Variants in KHDRBS3 observed in about 807,000 individuals in gnomAD.
The protein encoded by KHDRBS3 is KH domain-containing, RNA-binding, signal transduction-associated protein 3.
KHDRBS3 carries 23 observed loss-of-function variants against 45.6 expected under a neutral mutation model. The ratio of observed to expected loss-of-function variants is 0.50; its 90% CI spans 0.36 to 0.72. The LOEUF (loss-of-function observed/expected upper bound fraction) is 0.72, where lower values mean the gene tolerates loss of function less well. Ranked by LOEUF, KHDRBS3 falls within the 30% of genes least tolerant of loss-of-function variation. KHDRBS3 has a pLI of 0.00. For missense variants in KHDRBS3, 352 were observed against 424.8 expected (o/e 0.83, Z 1.51); for synonymous variants, 162 against 156.5 (o/e 1.04, Z -0.26).
chr8:135,457,997 G>A lies in KHDRBS3; in HGVS notation c.88+43G>A, dbSNP rs748112903. Reference sequence around the variant, plus strand: ...AACTGCCGGCCGGCGGCGGTTGGGGGCCGGGTGGAAACGCGGGGGCCCAGG... The same window carrying A: ...AACTGCCGGCCGGCGGCGGTTGGGGACCGGGTGGAAACGCGGGGGCCCAGG... On this transcript the variant is annotated intron_variant, in intron 1 of 8. Transcript: ENST00000355849. The surrounding 1 kb of genome is among the most constrained non-coding windows in gnomAD (Gnocchi z 4.4). 47 of 1,540,580 alleles carry A rather than the reference G, an allele frequency of 3.1e-5. No homozygotes were observed. The Middle Eastern group carries it at 9.4e-4, about 31-fold the overall frequency.
At chr8:135,629,905 A>G (rs943585521) in intron 7 of KHDRBS3, among the ~76,000 whole-genome samples, 3 of 152,216 alleles carry the variant, frequency 2.0e-5, no homozygotes, top group Non-Finnish European at 4.4e-5. Flanking sequence ...GACTCCACCC[A>G]TATAGTAACT....
intron 6 of KHDRBS3, among the ~76,000 whole-genome samples, chr8:135,585,038 A>C (rs1477145096): frequency 2.7e-5 from 4 of 149,922 alleles, no homozygotes; most frequent in Non-Finnish European, 5.9e-5. Context: ...CCTGGCCAAC[A>C]TGGTGAAACC....
intron 1 of KHDRBS3, among the ~76,000 whole-genome samples, chr8:135,506,592 C>CG (rs1430887625): frequency 2.6e-4 from 39 of 151,996 alleles, no homozygotes; most frequent in African/African-American, 9.4e-4. Context: ...TTAGTAGAGA[C>CG]GGGGTGTCAC....
chr8:135,470,270 A>C (rs1000269914), intron 1 of KHDRBS3, among the ~76,000 whole-genome samples: 2 of 152,034 alleles, frequency 1.3e-5, no homozygotes, highest in Non-Finnish European at 2.9e-5. Flanking sequence ...TGGGTCTTGA[A>C]GTGCCTTATA....
At position 135,527,862 on chromosome 8, in the gene KHDRBS3, A is replaced by G. The variant is rs995103473; in HGVS notation, c.207+6507A>G. 2.0e-5 allele frequency among the ~76,000 whole-genome samples: 3 copies of G among 152,330 alleles called. No homozygotes were observed. In the East Asian group the frequency reaches 5.8e-4, roughly 29 times the overall value. On this transcript the variant is annotated intron_variant, in intron 2 of 8. Coordinates refer to ENST00000355849, the MANE Select transcript of KHDRBS3 (RefSeq NM_006558.3). ...TAATAGCAGTTGTTTTCTGGAGTAT[A>G]GGTTTTCGTGATATTTTTCTACTTT...
At chr8:135,502,782 A>G (rs778749911) in intron 1 of KHDRBS3, among the ~76,000 whole-genome samples, 3 of 152,316 alleles carry the variant, frequency 2.0e-5, no homozygotes, top group Non-Finnish European at 4.4e-5. Flanking sequence ...ATTCTGTTCA[A>G]TGAAAGAATA....
chr8:135,621,716 A>G (rs2131090910), intron 7 of KHDRBS3, among the ~76,000 whole-genome samples: 1 of 152,218 alleles, frequency 6.6e-6, no homozygotes, highest in African/African-American at 2.4e-5. Context: ...AAAAAAAAAA[A>G]AACGTGCAGT....
At chr8:135,554,063 T>G (rs1826753149) in intron 4 of KHDRBS3, among the ~76,000 whole-genome samples, 1 of 152,156 alleles carries the variant, frequency 6.6e-6, no homozygotes, top group Non-Finnish European at 1.5e-5. Flanking sequence ...TTTTAAAAAA[T>G]TGTCTACAAT....
intron 5 of KHDRBS3, among the ~76,000 whole-genome samples, chr8:135,562,476 C>T (rs1396171711): frequency 6.6e-6 from 1 of 152,174 alleles, no homozygotes; most frequent in African/African-American, 2.4e-5. Context: ...GACAAAAACA[C>T]CTAAGGAGCT....
chr8:135,530,902 C>T (rs1307340045), intron 2 of KHDRBS3, among the ~76,000 whole-genome samples: 1 of 152,152 alleles, frequency 6.6e-6, no homozygotes, highest in Non-Finnish European at 1.5e-5. Context: ...AACACTATCA[C>T]CCCTTACCCT....
intron 7 of KHDRBS3, among the ~76,000 whole-genome samples, chr8:135,637,342 G>T (rs189803739): frequency 1.3e-5 from 2 of 152,014 alleles, no homozygotes; most frequent in African/African-American, 4.8e-5. Context: ...TGTAACAAAG[G>T]CTCCTTCTAA....
At chr8:135,599,190 G>A (rs1430357611) in intron 6 of KHDRBS3, among the ~76,000 whole-genome samples, 1 of 152,208 alleles carries the variant, frequency 6.6e-6, no homozygotes, top group East Asian at 1.9e-4. Flanking sequence ...CCTGTAGCCT[G>A]GCATCCGCCA....
intron 2 of KHDRBS3, among the ~76,000 whole-genome samples, chr8:135,526,475 G>A (rs541010826): frequency 9.2e-5 from 14 of 152,048 alleles, no homozygotes; most frequent in Non-Finnish European, 1.9e-4. Flanking sequence ...TTTCTGCTTA[G>A]CATAATGGAG....
At chr8:135,473,361 T>C (rs1822111537) in intron 1 of KHDRBS3, among the ~76,000 whole-genome samples, 2 of 152,220 alleles carry the variant, frequency 1.3e-5, no homozygotes, top group African/African-American at 4.8e-5. Flanking sequence ...CTGAAACTGC[T>C]GCTTTCGTTC....
chr8:135,579,112 T>A (rs558263878), intron 5 of KHDRBS3, among the ~76,000 whole-genome samples: 180 of 152,162 alleles, frequency 1.2e-3, no homozygotes, highest in Non-Finnish European at 2.1e-3. Flanking sequence ...TTGGGGATTT[T>A]TTTACATTGC....
intron 6 of KHDRBS3, among the ~76,000 whole-genome samples, chr8:135,589,625 T>C (rs1041403681): frequency 6.6e-6 from 1 of 152,224 alleles, no homozygotes; most frequent in South Asian, 2.1e-4. Flanking sequence ...TCAAGCATAG[T>C]TAGCAGCATC....
rs3735863 is a variant in KHDRBS3 at position 135,518,796 on chromosome 8, A to G, written c.89-2441A>G. Among the ~76,000 whole-genome samples, 107 of 151,388 alleles carry G rather than the reference A, an allele frequency of 7.1e-4. No homozygotes were observed. In the East Asian group the frequency reaches 0.013, roughly 19 times the overall value. On this transcript the variant is annotated intron_variant, in intron 1 of 8. Transcript: ENST00000355849. Reference sequence around the variant, plus strand: ...TTTCAAACTGTGTGTGTGTGTGTCAATTCTATTCATGGAAAATTTCTGAAA... The same window carrying G: ...TTTCAAACTGTGTGTGTGTGTGTCAGTTCTATTCATGGAAAATTTCTGAAA...
chr8:135,481,021 AG>A (rs1822538075), intron 1 of KHDRBS3, among the ~76,000 whole-genome samples: 1 of 152,102 alleles, frequency 6.6e-6, no homozygotes, highest in South Asian at 2.1e-4. Flanking sequence ...GCAGTTTAAA[AG>A]GTAGCAGTGC....
intron 7 of KHDRBS3, among the ~76,000 whole-genome samples, chr8:135,640,117 G>C (rs1472537864): frequency 6.6e-6 from 1 of 152,170 alleles, no homozygotes; most frequent in Non-Finnish European, 1.5e-5. Context: ...GAATTCCAGA[G>C]GGTGCAGTGA....
Sources: gnomAD v4.1 joint callset for allele counts (sites outside exome capture counted in the v4.1 genomes callset) on GRCh38, gnomAD v4.1.1 for gene constraint, Gnocchi (gnomAD v3.1) non-coding constraint, MANE v1.5 for transcripts, NCBI Gene and HGNC (gene_info 2026-07-23, HGNC 2026-07-21) for gene names.